The following OR11A1 variants were observed in gnomAD, a reference collection of about 807,000 sequenced individuals.
OR11A1 encodes the protein olfactory receptor family 11 subfamily A member 1.
For synonymous variants in OR11A1, 158 were observed against 152.2 expected (o/e 1.04, Z -0.28); for missense variants, 380 against 378.2 (o/e 1.00, Z -0.04).
At chr6:29,442,924 T>C (rs10946992) in intron 1 of OR11A1, among the ~76,000 whole-genome samples, 14,867 of 152,270 alleles carry the variant, frequency 0.098, 1,351 homozygotes, top group African/African-American at 0.24. Context: ...ACTTCCTACA[T>C]ATCTCCATCA....
At chr6:29,434,930 T>A (rs1340558485) in intron 1 of OR11A1, among the ~76,000 whole-genome samples, 1 of 152,234 alleles carries the variant, frequency 6.6e-6, no homozygotes, top group Non-Finnish European at 1.5e-5. Context: ...TTATAAGTAG[T>A]TCCAAATGAA....
intron 1 of OR11A1, among the ~76,000 whole-genome samples, chr6:29,435,147 G>A (rs1307054519): frequency 6.6e-6 from 1 of 152,200 alleles, no homozygotes; most frequent in Non-Finnish European, 1.5e-5. Context: ...GCAGGTACAG[G>A]GGACAGTGGT....
At chr6:29,437,493 A>G (rs1471319699) in intron 1 of OR11A1, among the ~76,000 whole-genome samples, 1 of 147,216 alleles carries the variant, frequency 6.8e-6, no homozygotes. Flanking sequence ...TCTTTTTTAT[A>G]GTTGTTTTTA....
intron 1 of OR11A1, 117 bp from the exon 2 acceptor site, chr6:29,432,104 A>G: frequency 3.0e-6 from 2 of 655,850 alleles, no homozygotes; most frequent in Non-Finnish European, 3.8e-6. Flanking sequence ...CTGTCCTTTC[A>G]TCGCAGTCCT....
intron 1 of OR11A1, among the ~76,000 whole-genome samples, chr6:29,454,989 A>T (rs1362859114): frequency 6.6e-6 from 1 of 152,124 alleles, no homozygotes; most frequent in Non-Finnish European, 1.5e-5. Context: ...ATGAATTATG[A>T]CTCCTATATC....
At chr6:29,435,702 A>G (rs1363940303) in intron 1 of OR11A1, among the ~76,000 whole-genome samples, 1 of 152,238 alleles carries the variant, frequency 6.6e-6, no homozygotes, top group East Asian at 1.9e-4. Context: ...AGGATTTTAC[A>G]AAAACAAATT....
rs142556360 is a variant in OR11A1 at position 29,426,675 on chromosome 6, A to G, written c.*19T>C. On this transcript the variant is annotated 3_prime_UTR_variant, in exon 5 of 5. Coordinates refer to ENST00000377149, the MANE Select transcript of OR11A1 (RefSeq NM_001394828.1). ...GTGGAGGTGTCCGAAGTCCAAAATA[A>G]CATCTTCATTACTCTCCTTCAATCA... is the stretch of plus-strand genomic sequence containing the variant. 1.0e-4 allele frequency: 158 copies of G among 1,583,096 alleles called. No individual in the cohort carries two copies. The African/African-American group carries it at 1.8e-3, about 18-fold the overall frequency.
Position 29,431,947 on chromosome 6 carries a change from G to T in OR11A1, c.-348C>A. 1.0e-6 allele frequency: 1 copy of T among 985,306 alleles called. No individual in the cohort carries two copies. Among genetic ancestry groups the T allele is most frequent in the African/African-American group, 1.7e-5 (1 of 57,324 alleles). 61.0% of individuals were successfully genotyped at this position (985,306 alleles called of 1,614,324 possible). ...GATTTGCTGAAGACTTCAGAATGTT[G>T]GAATTTCCTACCTTCAGCTCCCTCC... On this transcript the variant is annotated 5_prime_UTR_variant, in exon 2 of 5. Transcript: ENST00000377149.
chr6:29,428,430 G>T (rs1473758235), intron 4 of OR11A1: 2 of 984,346 alleles, frequency 2.0e-6, no homozygotes, highest in Non-Finnish European at 2.4e-6. Context: ...GAAGATAGAA[G>T]CAAGTAGGCT....
intron 1 of OR11A1, among the ~76,000 whole-genome samples, chr6:29,433,181 G>A (rs1259209722): frequency 2.7e-5 from 4 of 150,668 alleles, no homozygotes; most frequent in East Asian, 1.9e-4. Context: ...TACTTATCAT[G>A]TTTTTGTGAT....
chr6:29,426,612 A>G lies in OR11A1; in HGVS notation c.*82T>C, dbSNP rs1421805343. The G allele has an allele frequency of 4.8e-6, 5 of 1,037,222 alleles. No individual in the cohort carries two copies. The highest frequency in any genetic ancestry group is 7.0e-6 in the Non-Finnish European group (5 of 716,088). 64.3% of individuals were successfully genotyped at this position (1,037,222 alleles called of 1,614,324 possible). A position where few individuals can be genotyped will look rare whatever the true frequency, so the allele number is the denominator to read the frequency against. On this transcript the variant is annotated 3_prime_UTR_variant, in exon 5 of 5. Coordinates refer to ENST00000377149, the MANE Select transcript of OR11A1 (RefSeq NM_001394828.1). ...TCAAAGAGAATGGTCGAATAAGACA[A>G]AGTTACTCCTCTCCAACCCATCCTG... is the stretch of plus-strand genomic sequence containing the variant.
chr6:29,427,871 A>G (rs1782960451), intron 4 of OR11A1, 139 bp from the exon 5 acceptor site: 1 of 686,084 alleles, frequency 1.5e-6, no homozygotes. Flanking sequence ...AATTGTGCAT[A>G]TTCTTTAACG....
At chr6:29,442,671 C>T (rs73398972) in intron 1 of OR11A1, among the ~76,000 whole-genome samples, 7,703 of 151,618 alleles carry the variant, frequency 0.051, 372 homozygotes, top group African/African-American at 0.12. Flanking sequence ...GTGTTACTCC[C>T]TGTCCCCACC....
intron 1 of OR11A1, chr6:29,439,163 A>C (rs1441485359): frequency 6.6e-6 from 1 of 152,240 alleles, no homozygotes; most frequent in African/African-American, 2.4e-5. Flanking sequence ...TAAATCTGGC[A>C]TCTGGGAATA....
intron 1 of OR11A1, among the ~76,000 whole-genome samples, chr6:29,433,669 C>T (rs1231027293): frequency 1.1e-5 from 1 of 87,006 alleles, no homozygotes; most frequent in African/African-American, 4.6e-5. Flanking sequence ...TTCTTATTTC[C>T]TTTGAATATA....
intron 1 of OR11A1, among the ~76,000 whole-genome samples, chr6:29,447,739 T>A (rs1357946782): frequency 6.6e-6 from 1 of 152,192 alleles, no homozygotes; most frequent in East Asian, 1.9e-4. Flanking sequence ...TAAAACAAAT[T>A]AGTGAAATAA....
At chr6:29,452,537 A>T (rs757672164) in intron 1 of OR11A1, among the ~76,000 whole-genome samples, 5 of 152,210 alleles carry the variant, frequency 3.3e-5, no homozygotes, top group Admixed American at 2.0e-4. Context: ...ATATTGCATA[A>T]TAAGGAATAA....
intron 4 of OR11A1, 92 bp downstream of exon 4, chr6:29,428,821 G>T: frequency 4.2e-6 from 1 of 237,270 alleles, no homozygotes; most frequent in Non-Finnish European, 6.7e-6. Flanking sequence ...ACCAGACCAG[G>T]CAGGGCATCC....
chr6:29,438,056 G>A (rs1004812045), intron 1 of OR11A1, among the ~76,000 whole-genome samples: 24 of 152,142 alleles, frequency 1.6e-4, no homozygotes, highest in Admixed American at 1.2e-3. Flanking sequence ...AACTAAGTAC[G>A]AAATCCAGTT....
Sources: allele counts gnomAD v4.1 joint callset (sites outside exome capture counted in the v4.1 genomes callset), GRCh38; gene constraint gnomAD v4.1.1; transcripts MANE v1.5; gene names NCBI Gene and HGNC (gene_info 2026-07-23, HGNC 2026-07-21).